FAM90A20: variants seen among roughly 807,000 people sequenced by gnomAD.
FAM90A20 encodes the protein protein FAM90A20.
chr8:7,296,249 A>G, the FAM90A20 span: 1 of 688,566 alleles, frequency 1.5e-6, no homozygotes, highest in Non-Finnish European at 2.6e-6. Context: ...TCTCCTGGGG[A>G]AAACCAGGGG....
chr8:7,297,477 A>T, the FAM90A20 span: 3 of 1,541,230 alleles, frequency 1.9e-6, 1 homozygote, highest in Non-Finnish European at 2.6e-6. Context: ...CTAGGCTCCA[A>T]TCTCAGCTTT....
chr8:7,295,828 A>C, the FAM90A20 span: 1 of 883,168 alleles, frequency 1.1e-6, no homozygotes, highest in East Asian at 2.5e-5. Flanking sequence ...AAGAGAGACC[A>C]AGGTGAGCAG....
At chr8:7,296,207 A>T in the FAM90A20 span, 1 of 659,398 alleles carries the variant, frequency 1.5e-6, no homozygotes, top group South Asian at 1.5e-5. Flanking sequence ...AAGACACGGA[A>T]TGGGGCTGGG....
chr8:7,296,027 A>T, the FAM90A20 span, among the ~76,000 whole-genome samples: 2 of 128,994 alleles, frequency 1.6e-5, no homozygotes, highest in Middle Eastern at 3.3e-3. Flanking sequence ...AGGGACGGGG[A>T]GAGGCGGGGG....
At chr8:7,297,620 C>A in the FAM90A20 span, 2 of 1,425,418 alleles carry the variant, frequency 1.4e-6, no homozygotes, top group Non-Finnish European at 1.9e-6. Flanking sequence ...CCCGGAGAAT[C>A]TCCAACCTCC....
chr8:7,297,747 C>T, the FAM90A20 span: 1 of 1,483,134 alleles, frequency 6.7e-7, no homozygotes, highest in South Asian at 1.1e-5. Context: ...CTGCCTACTG[C>T]CCAGGCCTGC....
the FAM90A20 span, among the ~76,000 whole-genome samples, chr8:7,296,553 C>T: frequency 1.6e-4 from 22 of 135,442 alleles, 2 homozygotes; most frequent in Non-Finnish European, 2.9e-4. Context: ...AGTTTGATTC[C>T]AGGCGAAGTC....
At chr8:7,297,974 G>A in the FAM90A20 span, 3 of 677,090 alleles carry the variant, frequency 4.4e-6, no homozygotes, top group South Asian at 1.5e-5. Flanking sequence ...CCTCTATGAG[G>A]ACCTTCAGGT....
chr8:7,297,124 C>A, the FAM90A20 span: 4 of 1,513,498 alleles, frequency 2.6e-6, no homozygotes, highest in South Asian at 3.4e-5. Context: ...ACCCTGTCCT[C>A]TCTGGTCGCT....
chr8:7,297,615 A>C, the FAM90A20 span: 20 of 1,436,384 alleles, frequency 1.4e-5, 1 homozygote, highest in Non-Finnish European at 1.8e-5. Flanking sequence ...GGGGCCCCGG[A>C]GAATCTCCAA....
the FAM90A20 span, chr8:7,295,851 T>C: frequency 1.4e-6 from 1 of 710,766 alleles, no homozygotes; most frequent in Non-Finnish European, 2.4e-6. Context: ...GGAGGGGTTT[T>C]CACCACTCTT....
chr8:7,297,440 C>G, the FAM90A20 span: 148 of 1,554,194 alleles, frequency 9.5e-5, 16 homozygotes, highest in Non-Finnish European at 1.2e-4. Context: ...ACAGCCCTGC[C>G]CATCAGCCGC....
chr8:7,295,665 C>T, the FAM90A20 span: 7 of 717,786 alleles, frequency 9.8e-6, 1 homozygote, highest in East Asian at 8.0e-5. Context: ...TTTGGCCACA[C>T]GGCCAGAAGT....
the FAM90A20 span, chr8:7,297,719 C>A: frequency 5.4e-6 from 8 of 1,492,704 alleles, 1 homozygote; most frequent in Non-Finnish European, 7.2e-6. Context: ...ACGGCAGCCT[C>A]CGCACCGCAG....
chr8:7,296,041 T>C, the FAM90A20 span, among the ~76,000 whole-genome samples: 1 of 128,808 alleles, frequency 7.8e-6, no homozygotes, highest in Non-Finnish European at 1.5e-5. Flanking sequence ...GCGGGGGCGC[T>C]TCATGCAGGT....
At chr8:7,296,413 G>A in the FAM90A20 span, 2 of 737,640 alleles carry the variant, frequency 2.7e-6, 1 homozygote, top group African/African-American at 4.9e-5. Flanking sequence ...TGTCACCCCG[G>A]GCCCCTGGTC....
chr8:7,297,758 A>C, the FAM90A20 span: 197 of 1,477,206 alleles, frequency 1.3e-4, 12 homozygotes, highest in Non-Finnish European at 1.7e-4. Context: ...CCAGGCCTGC[A>C]CCATGTCCCA....
the FAM90A20 span, chr8:7,297,225 C>T: frequency 8.6e-6 from 13 of 1,519,502 alleles, 1 homozygote; most frequent in Admixed American, 1.7e-5. Flanking sequence ...AGTCTTGGAC[C>T]AAAGGAAAGA....
the FAM90A20 span, among the ~76,000 whole-genome samples, chr8:7,296,008 G>C: frequency 7.8e-6 from 1 of 128,642 alleles, no homozygotes; most frequent in East Asian, 2.1e-4. Context: ...CTTGGGCTCT[G>C]GGAGATTCAG....
Sources: gnomAD v4.1 joint callset for allele counts (sites outside exome capture counted in the v4.1 genomes callset) on GRCh38, gnomAD v4.1.1 for gene constraint, MANE v1.5 for transcripts, NCBI Gene and HGNC (gene_info 2026-07-23, HGNC 2026-07-21) for gene names.